Variants in GMDS observed in about 807,000 individuals in gnomAD.
GMDS encodes GDP-mannose 4,6-dehydratase.
In GMDS, 20 loss-of-function variants were observed where a neutral mutation model predicts 49.9. The ratio of observed to expected loss-of-function variants is 0.40; its 90% CI spans 0.28 to 0.58. GMDS has a LOEUF of 0.58. Ranked by LOEUF, GMDS falls within the 20% of genes least tolerant of loss-of-function variation. The pLI, the probability that GMDS is intolerant of heterozygous loss-of-function variation, is 0.42. For synonymous variants in GMDS, 177 were observed against 178.6 expected, an observed-to-expected ratio of 0.99 and a Z score of 0.07; for missense variants, 362 against 481.4, an observed-to-expected ratio of 0.75 and a Z score of 2.32.
intron 1 of GMDS, among the ~76,000 whole-genome samples, chr6:2,239,511 C>A (rs1464047655): frequency 6.6e-6 from 1 of 152,086 alleles, no homozygotes; most frequent in African/African-American, 2.4e-5. Context: ...ACCAGGTAAC[C>A]CTTTCACTTG....
intron 7 of GMDS, among the ~76,000 whole-genome samples, chr6:1,781,636 A>G (rs56949091): frequency 0.51 from 77,286 of 151,532 alleles, 20,759 homozygotes; most frequent in East Asian, 0.85. Flanking sequence ...TCTTCCACAC[A>G]TGGCCTTAAG....
At chr6:1,746,215 T>C (rs1767491502) in intron 7 of GMDS, among the ~76,000 whole-genome samples, 2 of 109,198 alleles carry the variant, frequency 1.8e-5, no homozygotes, top group Admixed American at 1.9e-4. Context: ...GTTTTAGAGG[T>C]CAGTCTTCTC....
chr6:2,073,718 CA>C (rs1232028578), intron 4 of GMDS, among the ~76,000 whole-genome samples: 1 of 152,190 alleles, frequency 6.6e-6, no homozygotes, highest in Non-Finnish European at 1.5e-5. Flanking sequence ...TTTACTGCCA[CA>C]AGGGTAAGTT....
intron 7 of GMDS, among the ~76,000 whole-genome samples, chr6:1,851,099 G>T (rs1326321913): frequency 6.6e-6 from 1 of 152,198 alleles, no homozygotes; most frequent in Non-Finnish European, 1.5e-5. Flanking sequence ...TAAGGACTTT[G>T]AGAGATTTAC....
At chr6:2,196,472 T>C (rs1779279809) in intron 1 of GMDS, among the ~76,000 whole-genome samples, 1 of 152,254 alleles carries the variant, frequency 6.6e-6, no homozygotes, top group Non-Finnish European at 1.5e-5. Context: ...ACTCCTGAAA[T>C]CTACCATAGC....
At chr6:1,779,708 G>C (rs754646431) in intron 7 of GMDS, among the ~76,000 whole-genome samples, 1 of 152,110 alleles carries the variant, frequency 6.6e-6, no homozygotes, top group Non-Finnish European at 1.5e-5. Flanking sequence ...TCATGGATGC[G>C]AACCTGTCCC....
chr6:1,857,700 T>C (rs1757997621), intron 7 of GMDS, among the ~76,000 whole-genome samples: 1 of 152,216 alleles, frequency 6.6e-6, no homozygotes, highest in Non-Finnish European at 1.5e-5. Context: ...ATAAAGTGTA[T>C]TTGTGTTATT....
intron 7 of GMDS, among the ~76,000 whole-genome samples, chr6:1,825,820 C>T (rs901448998): frequency 2.0e-5 from 3 of 152,052 alleles, no homozygotes; most frequent in East Asian, 3.8e-4. Flanking sequence ...TCAGACCAGC[C>T]GCCTGGCAGA....
chr6:1,988,461 G>A (rs1349756954), intron 4 of GMDS, among the ~76,000 whole-genome samples: 3 of 152,096 alleles, frequency 2.0e-5, no homozygotes, highest in Admixed American at 6.6e-5. Context: ...GCTCCTTCTT[G>A]GCGGTGGGGG....
At chr6:1,965,840 C>T (rs905432865) in intron 4 of GMDS, among the ~76,000 whole-genome samples, 1 of 151,274 alleles carries the variant, frequency 6.6e-6, no homozygotes, top group Non-Finnish European at 1.5e-5. Context: ...CAAAATGAAA[C>T]GTAGGTTAAA....
intron 9 of GMDS, among the ~76,000 whole-genome samples, chr6:1,684,434 A>C (rs942467406): frequency 2.6e-5 from 4 of 152,190 alleles, no homozygotes; most frequent in Non-Finnish European, 5.9e-5. Context: ...ATCATCCCCA[A>C]AGGAAACAAC....
chr6:2,012,852 C>T (rs556675907), intron 4 of GMDS, among the ~76,000 whole-genome samples: 7 of 152,190 alleles, frequency 4.6e-5, no homozygotes, highest in African/African-American at 4.8e-5. Context: ...ACAGTCTTTA[C>T]GGTGAACATC....
At chr6:2,217,033 C>T (rs1176867011) in intron 1 of GMDS, among the ~76,000 whole-genome samples, 1 of 152,168 alleles carries the variant, frequency 6.6e-6, no homozygotes, top group Non-Finnish European at 1.5e-5. Context: ...CCGCAGCCGC[C>T]CTGGCTTCAG....
chr6:1,702,485 G>A (rs1413581866), intron 9 of GMDS, among the ~76,000 whole-genome samples: 1 of 152,244 alleles, frequency 6.6e-6, no homozygotes, highest in Non-Finnish European at 1.5e-5. Context: ...CTGTATGTGG[G>A]AGGAGTAGTT....
At chr6:1,878,228 C>T (rs146035159) in intron 7 of GMDS, among the ~76,000 whole-genome samples, 3,028 of 142,930 alleles carry the variant, frequency 0.021, 107 homozygotes, top group African/African-American at 0.074. Flanking sequence ...GGCAGGAGAA[C>T]GGCATGAACC....
At chr6:1,989,591 GC>G (rs1341921474) in intron 4 of GMDS, among the ~76,000 whole-genome samples, 3 of 152,112 alleles carry the variant, frequency 2.0e-5, no homozygotes, top group Non-Finnish European at 2.9e-5. Context: ...TCTTTGAAAC[GC>G]AAAAAAGCTC....
At chr6:2,245,275 C>A in intron 1 of GMDS, 46 bp downstream of exon 1, 1 of 1,266,580 alleles carries the variant, frequency 7.9e-7, no homozygotes, top group Admixed American at 2.0e-5. Context: ...GGAGAGCACG[C>A]GTGCCCAGGC....
intron 7 of GMDS, among the ~76,000 whole-genome samples, chr6:1,894,613 T>C (rs1278612875): frequency 2.0e-5 from 3 of 152,224 alleles, no homozygotes; most frequent in Non-Finnish European, 2.9e-5. Flanking sequence ...GAGTGAGATG[T>C]TATACCTATT....
chr6:1,624,045 A>G lies in GMDS; in HGVS notation c.*124T>C. 2.5e-6 allele frequency: 2 copies of G among 809,406 alleles called. No individual in the cohort carries two copies. Among genetic ancestry groups the G allele is most frequent in the South Asian group, 3.3e-5 (2 of 61,092 alleles). 50.1% of individuals were successfully genotyped at this position (809,406 alleles called of 1,614,324 possible). A position where few individuals can be genotyped will look rare whatever the true frequency, so the allele number is the denominator to read the frequency against. On this transcript the variant is annotated 3_prime_UTR_variant, in exon 11 of 11. Transcript: ENST00000380815. ...CCCGCTCTTGCGGCCGGGACAGCGC[A>G]GCGGCAGCAGGGGCCGCAGGGGACC...
Sources: allele counts gnomAD v4.1 joint callset (sites outside exome capture counted in the v4.1 genomes callset), GRCh38; gene constraint gnomAD v4.1.1; transcripts MANE v1.5; gene names NCBI Gene and HGNC (gene_info 2026-07-23, HGNC 2026-07-21).